SULT1E1: variants seen among roughly 807,000 people sequenced by gnomAD.
SULT1E1 encodes the protein sulfotransferase 1E1.
A neutral mutation model predicts 33.6 loss-of-function variants in SULT1E1; 36 were observed. The observed-to-expected ratio is 1.07, with a 90% confidence interval of 0.82 to 1.41. SULT1E1 has a LOEUF of 1.41. SULT1E1 is among the 40% of genes most tolerant of loss of function. SULT1E1 has a pLI of 0.00. For synonymous variants in SULT1E1, 121 were observed against 111.7 expected (o/e 1.08, Z -0.53); for missense variants, 371 against 345.7 (o/e 1.07, Z -0.58).
At chr4:69,826,960 G>C in the SULT1E1 span, among the ~76,000 whole-genome samples, 2 of 151,968 alleles carry the variant, frequency 1.3e-5, no homozygotes, top group Non-Finnish European at 2.9e-5. Flanking sequence ...CCCCTTCCCA[G>C]AAGGAAACAA....
chr4:69,854,024 A>T (rs1224042328), intron 4 of SULT1E1, among the ~76,000 whole-genome samples, 193 bp downstream of exon 4: 1 of 152,142 alleles, frequency 6.6e-6, no homozygotes, highest in Non-Finnish European at 1.5e-5. Flanking sequence ...ACTTTTTAGA[A>T]CCACATCTGG....
intron 4 of SULT1E1, 30 bp from the exon 5 acceptor site, chr4:69,849,593 C>T: frequency 6.5e-7 from 1 of 1,531,836 alleles, no homozygotes; most frequent in Non-Finnish European, 8.8e-7. Flanking sequence ...TATTAAACCA[C>T]TTAACATTTT....
At chr4:69,846,860 A>C (rs1720987734) in intron 6 of SULT1E1, among the ~76,000 whole-genome samples, 2 of 151,710 alleles carry the variant, frequency 1.3e-5, no homozygotes, top group Admixed American at 6.6e-5. Context: ...ACTAACAATA[A>C]AGCTGAAGAA....
chr4:69,849,598 C>T (rs373089348), intron 4 of SULT1E1, 35 bp from the exon 5 acceptor site: 929 of 1,525,214 alleles, frequency 6.1e-4, no homozygotes, highest in Admixed American at 7.5e-4. Context: ...AACCACTTAA[C>T]ATTTTTTTCA....
the SULT1E1 span, among the ~76,000 whole-genome samples, chr4:69,824,982 A>G: frequency 2.0e-5 from 3 of 152,152 alleles, no homozygotes; most frequent in Non-Finnish European, 4.4e-5. Context: ...TACTTTTAAG[A>G]GCTGTAATAT....
chr4:69,845,543 A>G (rs1720956565), intron 6 of SULT1E1, among the ~76,000 whole-genome samples: 1 of 151,358 alleles, frequency 6.6e-6, no homozygotes, highest in East Asian at 1.9e-4. Context: ...GTATATATAT[A>G]TAATATATAC....
the SULT1E1 span, among the ~76,000 whole-genome samples, chr4:69,831,010 C>A: frequency 2.9e-4 from 44 of 152,320 alleles, no homozygotes; most frequent in African/African-American, 1.0e-3. Flanking sequence ...CTGAGACAGC[C>A]TACCTGACTT....
At chr4:69,840,376 A>C (rs553760462), downstream of SULT1E1, among the ~76,000 whole-genome samples, 17 of 152,336 alleles carry the variant, frequency 1.1e-4, no homozygotes, top group South Asian at 3.5e-3. Context: ...GACCCTAAGT[A>C]AATATGTAAT....
chr4:69,853,179 A>G (rs1027985114), intron 4 of SULT1E1, among the ~76,000 whole-genome samples: 7 of 152,154 alleles, frequency 4.6e-5, no homozygotes, highest in African/African-American at 1.4e-4. Flanking sequence ...TGCAAATAAT[A>G]CTATAAGATC....
At chr4:69,831,059 C>T in the SULT1E1 span, among the ~76,000 whole-genome samples, 15 of 152,296 alleles carry the variant, frequency 9.8e-5, no homozygotes, top group East Asian at 1.5e-3. Flanking sequence ...GCTCTGATTC[C>T]TCCTTCTCAG....
chr4:69,842,475 T>C (rs1202604952), intron 7 of SULT1E1, among the ~76,000 whole-genome samples: 4 of 152,238 alleles, frequency 2.6e-5, no homozygotes, highest in Non-Finnish European at 4.4e-5. Flanking sequence ...TTATGCTTTA[T>C]ATACAACTGC....
intron 7 of SULT1E1, 50 bp downstream of exon 7, chr4:69,844,092 AGATTTTTGCCTATAACCAT>A (rs1720930122): frequency 6.9e-7 from 1 of 1,454,362 alleles, no homozygotes; most frequent in African/African-American, 1.4e-5. Flanking sequence ...ATACCTCACT[AGATTTTTGCCTATAACCAT>A]GTCACCTTGT....
downstream of SULT1E1, among the ~76,000 whole-genome samples, chr4:69,838,136 C>T (rs1029705366): frequency 1.1e-4 from 16 of 152,072 alleles, no homozygotes; most frequent in African/African-American, 3.4e-4. Flanking sequence ...TATTTTATTG[C>T]TGATTTTAGC....
the SULT1E1 span, among the ~76,000 whole-genome samples, chr4:69,823,510 C>T: frequency 1.3e-5 from 2 of 152,068 alleles, no homozygotes; most frequent in Non-Finnish European, 2.9e-5. Context: ...TTGTGTCTGC[C>T]TTTCTATTTC....
chr4:69,859,430 G>A (rs1213702610), intron 1 of SULT1E1, among the ~76,000 whole-genome samples: 1 of 152,026 alleles, frequency 6.6e-6, no homozygotes, highest in Non-Finnish European at 1.5e-5. Context: ...CTGTATGAGG[G>A]CAAAGTGACT....
chr4:69,832,201 G>T, the SULT1E1 span, among the ~76,000 whole-genome samples: 4 of 152,140 alleles, frequency 2.6e-5, no homozygotes, highest in Non-Finnish European at 5.9e-5. Context: ...AGGTTCTGTT[G>T]CACTGTTAGG....
At chr4:69,848,825 C>T (rs955613204) in intron 5 of SULT1E1, among the ~76,000 whole-genome samples, 2 of 151,850 alleles carry the variant, frequency 1.3e-5, no homozygotes, top group Non-Finnish European at 2.9e-5. Context: ...ATCCTGCACC[C>T]TTTCTTCCTC....
At chr4:69,827,487 A>T in the SULT1E1 span, among the ~76,000 whole-genome samples, 1 of 152,096 alleles carries the variant, frequency 6.6e-6, no homozygotes, top group Non-Finnish European at 1.5e-5. Context: ...GTCTACCATA[A>T]CTCCGGGAAA....
chr4:69,850,906 C>T (rs952771354), intron 4 of SULT1E1, among the ~76,000 whole-genome samples: 23 of 152,064 alleles, frequency 1.5e-4, no homozygotes, highest in Admixed American at 3.3e-4. Context: ...TTTTACTGTA[C>T]ATGCTCATTT....
Sources: allele counts gnomAD v4.1 joint callset (sites outside exome capture counted in the v4.1 genomes callset), GRCh38; gene constraint gnomAD v4.1.1; transcripts MANE v1.5; gene names NCBI Gene and HGNC (gene_info 2026-07-23, HGNC 2026-07-21).